Variants in ZUP1 observed in about 807,000 individuals in gnomAD.
ZUP1 encodes the protein zinc finger-containing ubiquitin peptidase 1.
A neutral mutation model predicts 68.1 loss-of-function variants in ZUP1; 55 were observed. That is an observed-to-expected ratio of 0.81 (90% CI 0.65 to 1.01). The LOEUF is 1.01. Ranked by LOEUF, ZUP1 falls within the 50% of genes least tolerant of loss-of-function variation. The pLI is 0.00. For synonymous variants in ZUP1, 223 were observed against 221.5 expected, an observed-to-expected ratio of 1.01 and a Z score of -0.06; for missense variants, 684 against 674.9, an observed-to-expected ratio of 1.01 and a Z score of -0.15.
At chr6:116,661,270 A>G (rs942600604) in intron 2 of ZUP1, among the ~76,000 whole-genome samples, 1 of 152,110 alleles carries the variant, frequency 6.6e-6, no homozygotes, top group African/African-American at 2.4e-5. Context: ...AGCTCTTTGT[A>G]GTGGATTTAA....
intron 4 of ZUP1, among the ~76,000 whole-genome samples, chr6:116,658,292 T>G (rs1390216831): frequency 6.6e-6 from 1 of 152,200 alleles, no homozygotes; most frequent in Non-Finnish European, 1.5e-5. Context: ...AAGCCTCAAA[T>G]ATCATTTAAA....
intron 9 of ZUP1, among the ~76,000 whole-genome samples, chr6:116,639,138 G>T (rs1158303211): frequency 6.6e-6 from 1 of 152,244 alleles, no homozygotes. Context: ...CTGCGGGAGG[G>T]GTGCCCGCCA....
At chr6:116,643,467 A>G (rs1000106954) in intron 9 of ZUP1, among the ~76,000 whole-genome samples, 1 of 152,222 alleles carries the variant, frequency 6.6e-6, no homozygotes, top group Non-Finnish European at 1.5e-5. Context: ...CCAAAACAGC[A>G]TGGTACTGAT....
intron 9 of ZUP1, among the ~76,000 whole-genome samples, chr6:116,640,085 T>C (rs1324808169): frequency 6.6e-6 from 1 of 152,064 alleles, no homozygotes; most frequent in South Asian, 2.1e-4. Flanking sequence ...AGAAAGGGTA[T>C]CAGCGATGGA....
chr6:116,652,266 C>A, intron 5 of ZUP1, 74 bp from the exon 6 acceptor site: 2 of 1,185,452 alleles, frequency 1.7e-6, no homozygotes, highest in Non-Finnish European at 2.4e-6. Context: ...TTAATATCAA[C>A]CTCTCCTTCA....
chr6:116,641,681 T>C (rs1776105083), intron 9 of ZUP1, among the ~76,000 whole-genome samples: 1 of 151,690 alleles, frequency 6.6e-6, no homozygotes, highest in African/African-American at 2.4e-5. Flanking sequence ...CTGGGACACA[T>C]TCAAAGCAGT....
Position 116,664,428 on chromosome 6 carries a change from C to CA in ZUP1, c.559+2205dup, listed in dbSNP as rs59007786. ...CCTGGGTGACAGGGCAAAAGTCCAT[C>CA]AAAAAAAAAAAAAACACACACACAC... On this transcript the variant is annotated intron_variant, in intron 2 of 9. Transcript: ENST00000368576. Among the ~76,000 whole-genome samples, 940 of 120,072 alleles carry CA rather than the reference C, an allele frequency of 7.8e-3. 5 individuals are homozygous for CA. Among genetic ancestry groups the CA allele is most frequent in the African/African-American group, 0.01 (337 of 32,182 alleles). The allele number at this position is 120,072 out of a possible 152,430, so 78.8% of individuals were successfully genotyped here.
At chr6:116,647,409 T>C in intron 8 of ZUP1, 50 bp downstream of exon 8, 1 of 1,398,568 alleles carries the variant, frequency 7.2e-7, no homozygotes, top group Non-Finnish European at 9.5e-7. Context: ...AAGCAACAAT[T>C]TGTTATCTTA....
intron 2 of ZUP1, among the ~76,000 whole-genome samples, chr6:116,663,307 T>C (rs916591401): frequency 2.0e-5 from 3 of 152,226 alleles, no homozygotes; most frequent in African/African-American, 7.2e-5. Flanking sequence ...CTTCTCTATA[T>C]GATAATCATT....
intron 7 of ZUP1, 23 bp from the exon 8 acceptor site, chr6:116,647,633 A>C: frequency 6.8e-7 from 1 of 1,474,748 alleles, no homozygotes; most frequent in Non-Finnish European, 9.1e-7. Flanking sequence ...GACAAAATGC[A>C]CATTTAAAGG....
intron 4 of ZUP1, among the ~76,000 whole-genome samples, chr6:116,658,134 A>G (rs1203971077): frequency 1.3e-5 from 2 of 152,068 alleles, no homozygotes; most frequent in East Asian, 1.9e-4. Context: ...CTATGAATCT[A>G]TGAGCATTAT....
chr6:116,643,562 A>G (rs1243484398), intron 9 of ZUP1, among the ~76,000 whole-genome samples: 3 of 152,224 alleles, frequency 2.0e-5, no homozygotes, highest in Non-Finnish European at 2.9e-5. Context: ...ATCTTTGACA[A>G]ACCTGAGAAA....
At chr6:116,662,223 T>C (rs1776864876) in intron 2 of ZUP1, among the ~76,000 whole-genome samples, 1 of 152,224 alleles carries the variant, frequency 6.6e-6, no homozygotes, top group Non-Finnish European at 1.5e-5. Context: ...CAGCCAGTTC[T>C]CTACCATAAA....
At chr6:116,665,274 G>GA (rs1400393754) in intron 2 of ZUP1, among the ~76,000 whole-genome samples, 2 of 152,078 alleles carry the variant, frequency 1.3e-5, no homozygotes, top group East Asian at 3.9e-4. Context: ...CATTAAAAAA[G>GA]AATGTAGACA....
intron 9 of ZUP1, 41 bp from the exon 10 acceptor site, chr6:116,635,920 C>T (rs1271724737): frequency 5.8e-6 from 8 of 1,389,856 alleles, no homozygotes; most frequent in Middle Eastern, 2.0e-4. Flanking sequence ...AGCTATAAGT[C>T]AATTAATTAG....
intron 4 of ZUP1, 117 bp from the exon 5 acceptor site, chr6:116,656,969 T>C (rs1776687460): frequency 1.5e-6 from 1 of 646,400 alleles, no homozygotes; most frequent in Non-Finnish European, 2.4e-6. Flanking sequence ...ATAGACTTTA[T>C]ACAAGTTAAC....
At chr6:116,638,606 G>C (rs1186997555) in intron 9 of ZUP1, among the ~76,000 whole-genome samples, 1 of 152,156 alleles carries the variant, frequency 6.6e-6, no homozygotes, top group Non-Finnish European at 1.5e-5. Context: ...GGTCTCCTTG[G>C]ATTAAGTTAG....
chr6:116,645,126 AAATT>A (rs1776249948), intron 9 of ZUP1, among the ~76,000 whole-genome samples: 1 of 141,634 alleles, frequency 7.1e-6, no homozygotes, highest in African/African-American at 2.5e-5. Flanking sequence ...AAATGCAAAA[AAATT>A]AAATTAAATT....
chr6:116,649,769 C>T (rs1437056302), intron 7 of ZUP1, among the ~76,000 whole-genome samples: 1 of 152,220 alleles, frequency 6.6e-6, no homozygotes, highest in East Asian at 1.9e-4. Context: ...AATAAGTCTG[C>T]TAATCTGCAA....
Sources: allele counts gnomAD v4.1 joint callset (sites outside exome capture counted in the v4.1 genomes callset), GRCh38; gene constraint gnomAD v4.1.1; transcripts MANE v1.5; gene names NCBI Gene and HGNC (gene_info 2026-07-23, HGNC 2026-07-21).